IL21: variants seen among roughly 807,000 people sequenced by gnomAD.
IL21 encodes the protein interleukin 21, also known as interleukin-21.
Under a neutral mutation model 18.4 loss-of-function variants are expected in IL21, and 3 were observed. That is an observed-to-expected ratio of 0.16 (90% CI 0.07 to 0.42). The LOEUF is 0.42. Among genes scored for constraint, IL21 ranks in the 10% least tolerant of loss-of-function variants. The pLI, the probability that IL21 is intolerant of heterozygous loss-of-function variation, is 0.99. For synonymous variants in IL21, 37 were observed against 62.0 expected, an observed-to-expected ratio of 0.60 and a Z score of 1.90; for missense variants, 130 against 188.4, an observed-to-expected ratio of 0.69 and a Z score of 1.81.
At position 122,612,754 on chromosome 4, in the gene IL21, G is replaced by A; in HGVS notation, c.445C>T (p.His149Tyr). The A allele has an allele frequency of 4.3e-6, 7 of 1,613,384 alleles. No individual in the cohort carries two copies. Among genetic ancestry groups the A allele is most frequent in the Non-Finnish European group, 5.9e-6 (7 of 1,179,592 alleles). The change falls in exon 5 of 5, where the codon CAT (histidine) becomes TAT (tyrosine). Residue 149 changes from histidine to tyrosine, a missense_variant. Transcript: ENST00000648588. ...TGTGTTCTAGAGGACAGATGCTGAT[G>A]AATCATCTGTGGAAATAGTATACCG... ...RFKSLLQKMI[H>Y]QHLSSRTHGS... is the part of the protein sequence containing the mutation.
chr4:122,620,763 G>T (rs201093583), intron 1 of IL21, 27 bp from the exon 2 acceptor site: 257 of 1,613,074 alleles, frequency 1.6e-4, no homozygotes, highest in Non-Finnish European at 2.2e-4. Context: ...TTTGTTCTGA[G>T]TTATTTTTAT....
At chr4:122,616,293 T>G (rs1421991276) in intron 2 of IL21, among the ~76,000 whole-genome samples, 1 of 152,252 alleles carries the variant, frequency 6.6e-6, no homozygotes, top group East Asian at 1.9e-4. Context: ...TGACATGTCT[T>G]GAGCAGCATT....
At chr4:122,612,807 G>C in intron 4 of IL21, 44 bp downstream of exon 4, 1 of 1,612,572 alleles carries the variant, frequency 6.2e-7, no homozygotes, top group Non-Finnish European at 8.5e-7. Flanking sequence ...AATCTGGATA[G>C]GTAAAGATAA....
chr4:122,620,957 A>C lies in IL21; in HGVS notation c.55T>G (p.Phe19Val). 3.1e-6 allele frequency: 5 copies of C among 1,614,030 alleles called. No homozygotes were observed. Among genetic ancestry groups the C allele is most frequent in the Non-Finnish European group, 4.2e-6 (5 of 1,179,902 alleles). ...GATTTGTGGACCAGTGTCCCCAAGA[A>C]GATGACCATCAGACAGATGACAATC... Reference protein sequence around the residue: ...ERIVICLMVIFLGTLVHKSSS... With the variant: ...ERIVICLMVIVLGTLVHKSSS... The change falls in exon 1 of 5, where the codon TTC becomes GTC. Residue 19 changes from phenylalanine (F) to valine (V), a missense_variant. Physicochemically the swap from Phe to Val is conservative, Grantham distance 50. Transcript: ENST00000648588.
chr4:122,619,060 A>G (rs1799385153), intron 2 of IL21: 1 of 152,182 alleles, frequency 6.6e-6, no homozygotes, highest in Non-Finnish European at 1.5e-5. Context: ...CTGGGGCACA[A>G]AAATCACCAC....
rs1328379453 is a variant in IL21, at chr4:122,611,592, TG to T, written c.*1117del. ...GAAATGGCAGGTAGAGTAGGTTGCT[TG>T]TTTTTACTACCCAAGTCTGAAAGAT... On this transcript the variant is annotated 3_prime_UTR_variant, in exon 5 of 5. Transcript: ENST00000648588. Among the ~76,000 whole-genome samples, 1 of 152,188 alleles carries T rather than the reference TG, an allele frequency of 6.6e-6. No homozygotes were observed. The highest frequency in any genetic ancestry group is 1.5e-5 in the Non-Finnish European group (1 of 68,018).
intron 2 of IL21, among the ~76,000 whole-genome samples, chr4:122,618,823 A>G (rs1799380897): frequency 6.6e-6 from 1 of 151,560 alleles, no homozygotes. Flanking sequence ...AAAAAAAAAA[A>G]AAAAAAAAGG....
At chr4:122,612,982 A>T in intron 3 of IL21, 54 bp from the exon 4 acceptor site, 1 of 1,147,280 alleles carries the variant, frequency 8.7e-7, no homozygotes, top group Middle Eastern at 2.9e-4. Flanking sequence ...TCGTAATAAA[A>T]TGTTTCTTAA....
At chr4:122,612,994 AT>A in intron 3 of IL21, 66 bp from the exon 4 acceptor site, 11 of 955,336 alleles carry the variant, frequency 1.2e-5, no homozygotes, top group East Asian at 2.6e-5. Flanking sequence ...GTTTCTTAAA[AT>A]TTTTTTTCAT....
At chr4:122,619,708 A>G (rs1223354818) in intron 2 of IL21, among the ~76,000 whole-genome samples, 3 of 152,242 alleles carry the variant, frequency 2.0e-5, no homozygotes, top group African/African-American at 7.2e-5. Flanking sequence ...GCTGCTTATT[A>G]GAAAAGGACC....
At position 122,615,983 on chromosome 4, in the gene IL21, A is replaced by G. The variant is rs763137762; in HGVS notation, c.205-146T>C. 28 of 674,692 alleles carry G rather than the reference A, an allele frequency of 4.2e-5. No individual in the cohort carries two copies. In the African/African-American group the frequency reaches 4.2e-4, roughly 10 times the overall value. The allele number at this position is 674,692 out of a possible 1,614,324, so 41.8% of individuals were successfully genotyped here. On this transcript the variant is annotated intron_variant, in intron 2 of 4. Transcript: ENST00000648588. ...TGAGTGAGGTATGATTTCACCTCCT[A>G]CTTAATCTTTGGGATGGGAAAAAGG... is the stretch of plus-strand genomic sequence containing the variant.
rs10530157 is a variant in IL21, at chr4:122,615,527, T to TA, written c.360+154dup. On this transcript the variant is annotated intron_variant, in intron 3 of 4. Transcript: ENST00000648588. Reference sequence around the variant, plus strand: ...TGGGTGACAGAGTGAGACTCTGTCTTAAAAAAAAAAAAAAAAGCACCATGT... The same window carrying TA: ...TGGGTGACAGAGTGAGACTCTGTCTTAAAAAAAAAAAAAAAAAGCACCATGT... 0.44 allele frequency among the ~76,000 whole-genome samples: 62,250 copies of TA among 142,588 alleles called. 13,821 individuals are homozygous for TA. Among genetic ancestry groups the TA allele is most frequent in the African/African-American group, 0.45 (17,446 of 38,636 alleles). The allele number at this position is 142,588 out of a possible 152,430, so 93.5% of individuals were successfully genotyped here.
chr4:122,616,656 A>G (rs1296464345), intron 2 of IL21, among the ~76,000 whole-genome samples: 1 of 152,204 alleles, frequency 6.6e-6, no homozygotes, highest in Admixed American at 6.5e-5. Context: ...AGCATCAAAC[A>G]CTTATCTCTT....
At chr4:122,617,930 C>A (rs1191785133) in intron 2 of IL21, among the ~76,000 whole-genome samples, 2 of 152,196 alleles carry the variant, frequency 1.3e-5, no homozygotes, top group African/African-American at 4.8e-5. Flanking sequence ...AAAGATTAAC[C>A]TTGATTTAGG....
intron 3 of IL21, among the ~76,000 whole-genome samples, chr4:122,615,358 A>G (rs894840967): frequency 3.3e-5 from 5 of 152,134 alleles, no homozygotes; most frequent in Non-Finnish European, 7.4e-5. Context: ...TGTCTTTACT[A>G]AAAATACAAA....
rs1308469173 is a variant in IL21, at chr4:122,612,245, C to T, written c.*465G>A. 5.3e-5 allele frequency among the ~76,000 whole-genome samples: 8 copies of T among 151,820 alleles called. No individual in the cohort carries two copies. The highest frequency in any genetic ancestry group is 4.6e-4 in the Admixed American group (7 of 15,212). On this transcript the variant is annotated 3_prime_UTR_variant, in exon 5 of 5. Transcript: ENST00000648588. ...CTATTCAGATATAAGTTTTTAAACA[C>T]TCAGTTTTCATTTCCTTAAAAGAAT...
intron 3 of IL21, among the ~76,000 whole-genome samples, chr4:122,614,612 CAGG>C (rs1184152659): frequency 9.2e-5 from 14 of 152,042 alleles, no homozygotes; most frequent in African/African-American, 3.4e-4. Context: ...GAGGCTGAGG[CAGG>C]AGAATTGCTT....
intron 2 of IL21, chr4:122,619,142 A>G (rs776031208): frequency 7.2e-5 from 11 of 152,218 alleles, no homozygotes; most frequent in Non-Finnish European, 1.5e-4. Flanking sequence ...GGCTAGGCCA[A>G]TTAGAGATCT....
intron 2 of IL21, among the ~76,000 whole-genome samples, chr4:122,616,282 A>G (rs545072012): frequency 9.5e-4 from 145 of 152,338 alleles, no homozygotes; most frequent in African/African-American, 3.2e-3. Flanking sequence ...TGTATCTATC[A>G]TGACATGTCT....
Sources: gnomAD v4.1 joint callset for allele counts (sites outside exome capture counted in the v4.1 genomes callset) on GRCh38, gnomAD v4.1.1 for gene constraint, MANE v1.5 for transcripts, NCBI Gene and HGNC (gene_info 2026-07-23, HGNC 2026-07-21) for gene names.